The following RAB36 variants were observed in gnomAD, a reference collection of about 807,000 sequenced individuals.
RAB36 encodes RAB36, member RAS oncogene family, also known as ras-related protein Rab-36.
RAB36 carries 33 observed loss-of-function variants against 39.3 expected under a neutral mutation model. That is an observed-to-expected ratio of 0.84 (90% confidence interval 0.64 to 1.12). RAB36 has a LOEUF of 1.12. Among genes scored for constraint, RAB36 ranks in the 50% most tolerant of loss-of-function variants. The pLI is 0.00. For synonymous variants in RAB36, 133 were observed against 140.2 expected, an observed-to-expected ratio of 0.95 and a Z score of 0.36; for missense variants, 308 against 355.3, an observed-to-expected ratio of 0.87 and a Z score of 1.07.
At chr22:23,147,735 G>C (rs1283120501) in intron 2 of RAB36, among the ~76,000 whole-genome samples, 2 of 152,206 alleles carry the variant, frequency 1.3e-5, no homozygotes. Context: ...TAGAAGATAA[G>C]ATACAACGTA....
rs2071799678 is a variant in RAB36, at chr22:23,161,503, TGGAA to T, written c.746_749del (p.Glu249GlyfsTer176). 1.2e-6 allele frequency: 2 copies of T among 1,610,000 alleles called. No homozygotes were observed. The highest frequency in any genetic ancestry group is 3.3e-5 in the Admixed American group (2 of 59,974). On this transcript the variant is annotated frameshift_variant, in exon 11 of 11. Coordinates refer to ENST00000263116, the MANE Select transcript of RAB36 (RefSeq NM_004914.5). LOFTEE classifies it high-confidence loss of function. ...ATTACTTCTCCCCTCCTTACAGAAA[TGGAA>T]GGGAGTCCGCCCGAGACCCAGGAGA...
At chr22:23,166,370 G>A (rs2072052225), downstream of RAB36, among the ~76,000 whole-genome samples, 2 of 145,702 alleles carry the variant, frequency 1.4e-5, no homozygotes, top group African/African-American at 5.1e-5. Flanking sequence ...GGGGGGGTGG[G>A]GTGCAATATA....
intron 6 of RAB36, among the ~76,000 whole-genome samples, chr22:23,156,857 C>T (rs931385868): frequency 2.0e-5 from 3 of 152,168 alleles, no homozygotes; most frequent in Non-Finnish European, 4.4e-5. Flanking sequence ...ATAAGAGGTG[C>T]GAGGCGCCTG....
At chr22:23,157,851 T>G in intron 6 of RAB36, 141 bp from the exon 7 acceptor site, 1 of 1,539,016 alleles carries the variant, frequency 6.5e-7, no homozygotes, top group East Asian at 2.3e-5. Flanking sequence ...CTCCTCAGCC[T>G]TCATTGTAGG....
At position 23,156,107 on chromosome 22, in the gene RAB36, C is replaced by T. The variant is rs145848452; in HGVS notation, c.394+75C>T. On this transcript the variant is annotated intron_variant, in intron 6 of 10. Coordinates refer to ENST00000263116, the MANE Select transcript of RAB36 (RefSeq NM_004914.5). ...CTGCCGGGCTCCACAGTGGGAATCC[C>T]GAGTTCTCTGCACAGGCACCAGTTT... The T allele has an allele frequency of 1.9e-4, 238 of 1,258,752 alleles. 2 individuals are homozygous for T. The East Asian group carries it at 5.2e-3, about 27-fold the overall frequency. 78.0% of individuals were successfully genotyped at this position (1,258,752 alleles called of 1,614,324 possible).
intron 7 of RAB36, 77 bp from the exon 8 acceptor site, chr22:23,158,821 G>C: frequency 7.5e-7 from 1 of 1,328,384 alleles, no homozygotes; most frequent in South Asian, 1.2e-5. Context: ...CCCTGGGGAG[G>C]TCCCAAGTGT....
In RAB36 at chr22:23,158,915, C is replaced by G. The variant is rs770085594; in HGVS notation, c.464C>G (p.Ala155Gly). 6.2e-7 allele frequency: 1 copy of G among 1,614,160 alleles called. No individual in the cohort carries two copies. The highest frequency in any genetic ancestry group is 1.1e-5 in the South Asian group (1 of 91,092). The change falls in exon 8 of 11, where the codon GCT (alanine) becomes GGT (glycine). Residue 155 changes from alanine to glycine, a missense_variant. Ala to Gly is a moderately conservative substitution (Grantham distance 60). Coordinates refer to ENST00000263116, the MANE Select transcript of RAB36 (RefSeq NM_004914.5). ...CACTCCAGGCAGTGGTTGGAGGATG[C>G]TCTGAGGGAGAACGAGGCAGGCTCC... Reference protein sequence around the residue: ...LEHTRQWLEDALRENEAGSCF... With the variant: ...LEHTRQWLEDGLRENEAGSCF...
At chr22:23,157,248 T>C (rs1005724801) in intron 6 of RAB36, among the ~76,000 whole-genome samples, 7 of 126,214 alleles carry the variant, frequency 5.5e-5, no homozygotes, top group Admixed American at 4.0e-4. Flanking sequence ...GGCCCTGGAC[T>C]AACAGGTTTT....
chr22:23,161,090 T>A (rs2071758829), intron 10 of RAB36, 92 bp downstream of exon 10: 1 of 1,452,364 alleles, frequency 6.9e-7, no homozygotes, highest in African/African-American at 1.4e-5. Context: ...CCTTGCCATT[T>A]CCTGAACTTG....
chr22:23,149,475 C>T (rs2070982178), intron 2 of RAB36, among the ~76,000 whole-genome samples: 1 of 152,136 alleles, frequency 6.6e-6, no homozygotes, highest in Admixed American at 6.5e-5. Context: ...GCAGAAAGCG[C>T]CTCCTAGGAC....
chr22:23,167,567 C>T (rs2072072186), downstream of RAB36, among the ~76,000 whole-genome samples: 1 of 152,202 alleles, frequency 6.6e-6, no homozygotes, highest in South Asian at 2.1e-4. Flanking sequence ...GTCAGACAAA[C>T]CTCACTCTCT....
intron 7 of RAB36, among the ~76,000 whole-genome samples, 163 bp downstream of exon 7, chr22:23,158,206 C>A (rs2071570279): frequency 6.6e-6 from 1 of 152,208 alleles, no homozygotes; most frequent in Non-Finnish European, 1.5e-5. Flanking sequence ...GTCCAACTGC[C>A]TTTATCGCTT....
chr22:23,156,539 G>T (rs1473915722), intron 6 of RAB36, among the ~76,000 whole-genome samples: 1 of 152,150 alleles, frequency 6.6e-6, no homozygotes, highest in East Asian at 1.9e-4. Context: ...AGCAGGGGGC[G>T]GCAGCATAAG....
chr22:23,153,335 C>G (rs879792312), intron 5 of RAB36, among the ~76,000 whole-genome samples: 8 of 152,158 alleles, frequency 5.3e-5, no homozygotes, highest in Non-Finnish European at 7.4e-5. Context: ...TCATTTTGGT[C>G]ATTGGCTCTG....
chr22:23,160,824 A>G lies in RAB36; in HGVS notation c.620-55A>G, dbSNP rs1040522277. 12 of 1,582,760 alleles carry G rather than the reference A, an allele frequency of 7.6e-6. No individual in the cohort carries two copies. In the African/African-American group the frequency reaches 8.1e-5, roughly 11 times the overall value. On this transcript the variant is annotated intron_variant, in intron 9 of 10. Coordinates refer to ENST00000263116, the MANE Select transcript of RAB36 (RefSeq NM_004914.5). ...TAGCCTGGCTTTCACACCCAGATGC[A>G]TTAAGGGGCAAGGAGAAACACTGAT... is the stretch of plus-strand genomic sequence containing the variant.
At chr22:23,161,222 A>G (rs936716654) in intron 10 of RAB36, among the ~76,000 whole-genome samples, 2 of 152,086 alleles carry the variant, frequency 1.3e-5, no homozygotes, top group Non-Finnish European at 2.9e-5. Context: ...CTCCTGACAC[A>G]TGGACCTCAT....
At position 23,162,662 on chromosome 22, in the gene RAB36, C is replaced by T. The variant is rs1298020874; in HGVS notation, c.*1098C>T. ...TTTTCTCACTGCTATGAACCAGCCC[C>T]ACAGCCCCAGGCCCCTGTCACCTGG... On this transcript the variant is annotated 3_prime_UTR_variant, in exon 11 of 11. Transcript: ENST00000263116. 4.4e-6 allele frequency: 2 copies of T among 456,322 alleles called. No homozygotes were observed. The highest frequency in any genetic ancestry group is 1.4e-4 in the East Asian group (2 of 14,382). The allele number at this position is 456,322 out of a possible 1,614,324, so 28.3% of individuals were successfully genotyped here. A position where few individuals can be genotyped will look rare whatever the true frequency, so the allele number is the denominator to read the frequency against.
At chr22:23,153,646 C>T (rs114678172) in intron 5 of RAB36, 1 of 983,342 alleles carries the variant, frequency 1.0e-6, no homozygotes. Flanking sequence ...CCTCACACTG[C>T]AGCCTTCACT....
intron 5 of RAB36, among the ~76,000 whole-genome samples, chr22:23,155,011 G>C (rs2071376403): frequency 1.3e-5 from 2 of 152,138 alleles, no homozygotes; most frequent in African/African-American, 4.8e-5. Flanking sequence ...TGTAATCCAA[G>C]CTACTTGGGA....
Sources: gnomAD v4.1 joint callset for allele counts (sites outside exome capture counted in the v4.1 genomes callset) on GRCh38, gnomAD v4.1.1 for gene constraint, MANE v1.5 for transcripts, NCBI Gene and HGNC (gene_info 2026-07-23, HGNC 2026-07-21) for gene names.